SYNCRIP: variants seen among roughly 807,000 people sequenced by gnomAD.
SYNCRIP encodes synaptotagmin binding cytoplasmic RNA interacting protein, also known as heterogeneous nuclear ribonucleoprotein Q.
SYNCRIP carries 9 observed loss-of-function variants against 68.9 expected under a neutral mutation model. That is an observed-to-expected ratio of 0.13 (90% CI 0.08 to 0.23). The LOEUF (loss-of-function observed/expected upper bound fraction) is 0.23. SYNCRIP is among the 10% of genes least tolerant of loss of function. The probability of loss-of-function intolerance (pLI) is 1.00; values close to 1 mark genes in which losing one functional copy is unlikely to be tolerated. For missense variants in SYNCRIP, 414 were observed against 770.6 expected (o/e 0.54, Z 5.48); for synonymous variants, 258 against 254.0 (o/e 1.02, Z -0.15).
intron 6 of SYNCRIP, among the ~76,000 whole-genome samples, chr6:85,632,432 T>C (rs890056196): frequency 1.3e-5 from 2 of 152,278 alleles, no homozygotes; most frequent in South Asian, 2.1e-4. Context: ...ACAGTAGAGA[T>C]AGCTTCCAAA....
At chr6:85,640,366 A>G (rs1808982667) in intron 3 of SYNCRIP, 38 bp from the exon 4 acceptor site, 3 of 1,592,956 alleles carry the variant, frequency 1.9e-6, no homozygotes, top group Non-Finnish European at 2.6e-6. Flanking sequence ...AACAATAACC[A>G]TATCTGAGTC....
intron 6 of SYNCRIP, among the ~76,000 whole-genome samples, chr6:85,631,288 G>A (rs1807746611): frequency 6.9e-6 from 1 of 144,132 alleles, no homozygotes. Flanking sequence ...GCAGTGAGCT[G>A]TGATCGCACC....
intron 10 of SYNCRIP, among the ~76,000 whole-genome samples, chr6:85,618,547 C>T (rs1311688019): frequency 6.6e-6 from 1 of 151,294 alleles, no homozygotes; most frequent in Non-Finnish European, 1.5e-5. Context: ...TCACCCAATA[C>T]AAAACAAAAA....
At chr6:85,640,157 A>G in intron 4 of SYNCRIP, 64 bp downstream of exon 4, 2 of 1,134,560 alleles carry the variant, frequency 1.8e-6, no homozygotes, top group Non-Finnish European at 2.6e-6. Context: ...CCCAAGGAAT[A>G]TTTACCAAAA....
At chr6:85,639,474 C>G (rs1450114052) in intron 4 of SYNCRIP, among the ~76,000 whole-genome samples, 1 of 152,160 alleles carries the variant, frequency 6.6e-6, no homozygotes, top group Admixed American at 6.5e-5. Flanking sequence ...ATATACCAAC[C>G]TTTTCCATAT....
At chr6:85,615,963 G>C (rs957658343) in intron 10 of SYNCRIP, among the ~76,000 whole-genome samples, 4 of 152,158 alleles carry the variant, frequency 2.6e-5, no homozygotes, top group Non-Finnish European at 4.4e-5. Flanking sequence ...TTAGCATAAA[G>C]ACCTTAAAGT....
intron 4 of SYNCRIP, 85 bp downstream of exon 4, chr6:85,640,136 T>A (rs1808958495): frequency 8.0e-6 from 7 of 878,750 alleles, no homozygotes; most frequent in Non-Finnish European, 1.1e-5. Context: ...CTAACATACA[T>A]CCATTTCATA....
chr6:85,632,900 A>T (rs923868396), intron 6 of SYNCRIP, among the ~76,000 whole-genome samples: 1 of 151,838 alleles, frequency 6.6e-6, no homozygotes, highest in Non-Finnish European at 1.5e-5. Flanking sequence ...ATGACACTGC[A>T]CTCCAGCAAG....
chr6:85,643,696 G>C (rs1205742576), upstream of SYNCRIP: 1 of 151,726 alleles, frequency 6.6e-6, no homozygotes, highest in Admixed American at 6.5e-5. Flanking sequence ...GGGGCTGGCG[G>C]GGCAGAGTGC....
At position 85,619,278 on chromosome 6, in the gene SYNCRIP, C is replaced by A. The variant is rs1338525496; in HGVS notation, c.1148G>T (p.Gly383Val). 1 of 1,613,882 alleles carries A rather than the reference C, an allele frequency of 6.2e-7. No individual in the cohort carries two copies. The highest frequency in any genetic ancestry group is 1.1e-5 in the South Asian group (1 of 91,034). ...YAFIHFDERDGAVKAMEEMNG... is the reference protein window; with the variant it reads ...YAFIHFDERDVAVKAMEEMNG... ...TTCCACCATATTTACCTTGACAGCA[C>A]CATCTCGCTCATCAAAATGAATGAA... Residue 383 changes from glycine (G) to valine (V), a missense_variant, in exon 9 of 11, where the codon GGT becomes GTT. Physicochemically the swap from Gly to Val is moderately radical, Grantham distance 109. Transcript: ENST00000369622.
In SYNCRIP at chr6:85,619,250, T is replaced by C. The variant is rs1210688935; in HGVS notation, c.1158+18A>G. On this transcript the variant is annotated intron_variant, in intron 9 of 10. Coordinates refer to ENST00000369622, the MANE Select transcript of SYNCRIP (RefSeq NM_006372.5). The stretch of plus-strand genomic sequence containing the variant: ...TTTGTTAGTCTGATTTAGATGCCTG[T>C]AATTCCACCATATTTACCTTGACAG... The C allele has an allele frequency of 6.2e-7, 1 of 1,612,246 alleles. No homozygotes were observed. Among genetic ancestry groups the C allele is most frequent in the East Asian group, 2.2e-5 (1 of 44,834 alleles).
chr6:85,610,885 A>T (rs1460648635), downstream of SYNCRIP: 1 of 152,014 alleles, frequency 6.6e-6, no homozygotes, highest in Non-Finnish European at 1.5e-5. Flanking sequence ...TTTGAGAGAG[A>T]TGTACTTTAA....
chr6:85,642,643 C>G (rs1324187134), intron 1 of SYNCRIP, among the ~76,000 whole-genome samples, 154 bp downstream of exon 1: 1 of 152,218 alleles, frequency 6.6e-6, no homozygotes, highest in Non-Finnish European at 1.5e-5. Flanking sequence ...GCGCGGGCCG[C>G]GGCCTACTCC....
chr6:85,628,413 A>G (rs1320993358), intron 6 of SYNCRIP, among the ~76,000 whole-genome samples: 1 of 152,202 alleles, frequency 6.6e-6, no homozygotes, highest in Non-Finnish European at 1.5e-5. Context: ...ACTTCCTTAA[A>G]TAAACCTATT....
intron 6 of SYNCRIP, among the ~76,000 whole-genome samples, chr6:85,635,759 T>A (rs1404258430): frequency 1.7e-5 from 2 of 114,918 alleles, no homozygotes; most frequent in Non-Finnish European, 3.2e-5. Flanking sequence ...GGTGACAGAG[T>A]GAGATTCTAT....
Position 85,614,894 on chromosome 6 carries a change from G to C in SYNCRIP, c.1734C>G (p.Arg578=), listed in dbSNP as rs772363014. 2 of 1,614,152 alleles carry C rather than the reference G, an allele frequency of 1.2e-6. No homozygotes were observed. Among genetic ancestry groups the C allele is most frequent in the Admixed American group, 3.3e-5 (2 of 60,028 alleles). ...AGCCCCAGTTCTGATTATTGGTCTG[G>C]CGCCGCTTGGAATCTGGCTGGTTGT... The part of the protein sequence containing the change: ...DGYNQPDSKR[R]QTNNQNWGSQ... The change falls in exon 11 of 11, where the codon CGC becomes CGG. Residue 578 remains arginine (R), a synonymous_variant. Coordinates refer to ENST00000369622, the MANE Select transcript of SYNCRIP (RefSeq NM_006372.5).
intron 6 of SYNCRIP, among the ~76,000 whole-genome samples, chr6:85,629,535 A>AAAAAAAAAAAAAAAAAAC: frequency 6.6e-6 from 1 of 150,424 alleles, no homozygotes; most frequent in Non-Finnish European, 1.5e-5. Flanking sequence ...AAAAAAAAAA[A>AAAAAAAAAAAAAAAAAAC]AAAAAGGGCC....
At chr6:85,632,177 G>A (rs1807871421) in intron 6 of SYNCRIP, among the ~76,000 whole-genome samples, 1 of 152,126 alleles carries the variant, frequency 6.6e-6, no homozygotes, top group African/African-American at 2.4e-5. Context: ...TTAACCTAGA[G>A]AAACTATTCA....
rs759806623 is a variant in SYNCRIP at position 85,637,278 on chromosome 6, C to T, written c.454G>A (p.Val152Ile). Residue 152 changes from valine (V) to isoleucine (I), a missense_variant, in exon 5 of 11, where the codon GTT becomes ATT. By Grantham distance (29) the Val-to-Ile change is conservative. Coordinates refer to ENST00000369622, the MANE Select transcript of SYNCRIP (RefSeq NM_006372.5). ...ACAGAAGGCTGCTGACCTGAATAAA[C>T]GGAATCTGGAGGTGGTCCTCCATAC... is the stretch of plus-strand genomic sequence containing the variant. ...RKYGGPPPDSVYSGQQPSVGT... is the reference protein window; with the variant it reads ...RKYGGPPPDSIYSGQQPSVGT... The T allele has an allele frequency of 8.1e-6, 13 of 1,614,036 alleles. No individual in the cohort carries two copies. The highest frequency in any genetic ancestry group is 3.3e-5 in the Admixed American group (2 of 59,996).
Sources: gnomAD v4.1 joint callset for allele counts (sites outside exome capture counted in the v4.1 genomes callset) on GRCh38, gnomAD v4.1.1 for gene constraint, MANE v1.5 for transcripts, NCBI Gene and HGNC (gene_info 2026-07-23, HGNC 2026-07-21) for gene names.